The following SLC71A2 variants were observed in gnomAD, a reference collection of about 807,000 sequenced individuals.
SLC71A2 encodes the protein hippocampus abundant transcript-like 1.
At chr9:94,455,808 G>C in the SLC71A2 span, among the ~76,000 whole-genome samples, 5 of 152,186 alleles carry the variant, frequency 3.3e-5, no homozygotes, top group African/African-American at 1.2e-4. Flanking sequence ...TGCTCTCTCT[G>C]TTGAGGGGTA....
chr9:94,407,836 T>C, the SLC71A2 span, among the ~76,000 whole-genome samples: 30,278 of 152,052 alleles, frequency 0.2, 3,235 homozygotes, highest in African/African-American at 0.28. Context: ...GAAATAAAAA[T>C]TCATAAGTTT....
At chr9:94,397,311 A>AAAAGCAGCCAG in the SLC71A2 span, among the ~76,000 whole-genome samples, 13 of 152,198 alleles carry the variant, frequency 8.5e-5, no homozygotes, top group South Asian at 2.1e-3. Context: ...TCCATGCACT[A>AAAAGCAGCCAG]TTATCAGCTA....
At chr9:94,401,493 T>C in the SLC71A2 span, among the ~76,000 whole-genome samples, 1 of 151,938 alleles carries the variant, frequency 6.6e-6, no homozygotes, top group Non-Finnish European at 1.5e-5. Context: ...TTTATAGGCA[T>C]ATTTGCCATC....
the SLC71A2 span, among the ~76,000 whole-genome samples, chr9:94,379,232 T>G: frequency 6.6e-6 from 1 of 151,098 alleles, no homozygotes; most frequent in African/African-American, 2.4e-5. Flanking sequence ...GATTACAGGC[T>G]TGTGCCACCA....
chr9:94,456,390 C>T, the SLC71A2 span: 53 of 1,443,284 alleles, frequency 3.7e-5, no homozygotes, highest in Non-Finnish European at 5.0e-5. Context: ...GACCTCCCTG[C>T]TAGAAGCAGG....
chr9:94,434,825 A>C, the SLC71A2 span, among the ~76,000 whole-genome samples: 1 of 152,244 alleles, frequency 6.6e-6, no homozygotes, highest in African/African-American at 2.4e-5. Flanking sequence ...TGAGAGAGAA[A>C]GATAAATAAT....
the SLC71A2 span, among the ~76,000 whole-genome samples, chr9:94,429,909 A>T: frequency 6.8e-4 from 96 of 141,938 alleles, 1 homozygote; most frequent in South Asian, 0.017. Flanking sequence ...TCTTTATTTT[A>T]TTTTTTTTTT....
the SLC71A2 span, among the ~76,000 whole-genome samples, chr9:94,450,169 C>T: frequency 6.6e-6 from 1 of 152,010 alleles, no homozygotes; most frequent in South Asian, 2.1e-4. Flanking sequence ...AAACCATTGA[C>T]CTACACACTT....
At chr9:94,396,118 C>G in the SLC71A2 span, among the ~76,000 whole-genome samples, 1 of 151,726 alleles carries the variant, frequency 6.6e-6, no homozygotes, top group Non-Finnish European at 1.5e-5. Flanking sequence ...TCAGGCAAGT[C>G]ATGGGATATC....
At chr9:94,381,040 CT>C in the SLC71A2 span, among the ~76,000 whole-genome samples, 23,467 of 67,560 alleles carry the variant, frequency 0.35, 2,526 homozygotes, top group Middle Eastern at 0.41. Context: ...TTTCTTCCCC[CT>C]TTTTTTTTTT....
the SLC71A2 span, among the ~76,000 whole-genome samples, chr9:94,380,000 G>A: frequency 6.6e-6 from 1 of 152,300 alleles, no homozygotes. Context: ...GGACGCGGTG[G>A]CTTACGCCTA....
chr9:94,424,056 A>C, the SLC71A2 span, among the ~76,000 whole-genome samples: 1 of 152,192 alleles, frequency 6.6e-6, no homozygotes, highest in Admixed American at 6.5e-5. Flanking sequence ...AAGAATATAT[A>C]GTTGAACCAG....
At chr9:94,385,862 GA>G in the SLC71A2 span, among the ~76,000 whole-genome samples, 1 of 152,000 alleles carries the variant, frequency 6.6e-6, no homozygotes, top group Non-Finnish European at 1.5e-5. Context: ...AGGTGATCCT[GA>G]ATTCTGAATA....
the SLC71A2 span, among the ~76,000 whole-genome samples, chr9:94,423,182 C>T: frequency 6.6e-6 from 1 of 150,490 alleles, no homozygotes; most frequent in East Asian, 1.9e-4. Context: ...AGTGATCTGC[C>T]TGCCTTGACT....
the SLC71A2 span, chr9:94,459,279 ACAGCAG>A: frequency 3.7e-6 from 6 of 1,614,216 alleles, no homozygotes; most frequent in Non-Finnish European, 5.1e-6. Flanking sequence ...AAACACAGTA[ACAGCAG>A]CAGCGGCAGC....
At chr9:94,399,809 T>G in the SLC71A2 span, among the ~76,000 whole-genome samples, 1 of 41,360 alleles carries the variant, frequency 2.4e-5, no homozygotes, top group African/African-American at 1.8e-4. Flanking sequence ...GAAAAAGCCT[T>G]TTTTTTTTTT....
the SLC71A2 span, among the ~76,000 whole-genome samples, chr9:94,444,409 T>C: frequency 6.6e-6 from 1 of 152,222 alleles, no homozygotes; most frequent in Non-Finnish European, 1.5e-5. Context: ...TTGTTGTTAA[T>C]AGTTTTTTTC....
chr9:94,392,010 G>A, the SLC71A2 span, among the ~76,000 whole-genome samples: 7 of 151,992 alleles, frequency 4.6e-5, no homozygotes, highest in Non-Finnish European at 7.4e-5. Flanking sequence ...GAACCATTGC[G>A]CCTTCCCCCC....
the SLC71A2 span, among the ~76,000 whole-genome samples, chr9:94,419,922 T>C: frequency 6.6e-6 from 1 of 152,180 alleles, no homozygotes; most frequent in Non-Finnish European, 1.5e-5. Context: ...TATTTAGGGA[T>C]CAGTCAGATT....
Sources: allele counts gnomAD v4.1 joint callset (sites outside exome capture counted in the v4.1 genomes callset), GRCh38; gene constraint gnomAD v4.1.1; transcripts MANE v1.5; gene names NCBI Gene and HGNC (gene_info 2026-07-23, HGNC 2026-07-21).